CERT1: variants seen among roughly 807,000 people sequenced by gnomAD.
The protein encoded by CERT1 is ceramide transporter 1, also known as ceramide transfer protein.
CERT1 carries 31 observed loss-of-function variants against 87.9 expected under a neutral mutation model. The ratio of observed to expected loss-of-function variants is 0.35; its 90% CI spans 0.27 to 0.48. The LOEUF (loss-of-function observed/expected upper bound fraction) is 0.48, where lower values mean the gene tolerates loss of function less well. CERT1 is among the 20% of genes least tolerant of loss of function. The pLI is 0.99. For synonymous variants in CERT1, 289 were observed against 250.9 expected, an observed-to-expected ratio of 1.15 and a Z score of -1.44; for missense variants, 487 against 758.0, an observed-to-expected ratio of 0.64 and a Z score of 4.20.
At chr5:75,400,937 CTA>C in intron 9 of CERT1, 1 of 152,174 alleles carries the variant, frequency 6.6e-6, no homozygotes, top group Non-Finnish European at 1.5e-5. Context: ...CTTTCTTTCC[CTA>C]TGTTTGCAAG....
intron 3 of CERT1, among the ~76,000 whole-genome samples, chr5:75,436,035 T>C (rs1329909322): frequency 6.6e-6 from 1 of 151,848 alleles, no homozygotes; most frequent in Non-Finnish European, 1.5e-5. Context: ...GTGTGAAAAA[T>C]TATTTTATTT....
intron 5 of CERT1, among the ~76,000 whole-genome samples, chr5:75,424,563 T>A (rs1580750864): frequency 6.9e-6 from 1 of 144,064 alleles, no homozygotes; most frequent in African/African-American, 2.6e-5. Context: ...AGAGCGAGAC[T>A]CTGTCTCAAA....
At chr5:75,506,525 T>C in intron 1 of CERT1, among the ~76,000 whole-genome samples, 1 of 152,198 alleles carries the variant, frequency 6.6e-6, no homozygotes, top group South Asian at 2.1e-4. Context: ...ATGTATGTAG[T>C]CTCTCATTCT....
At chr5:75,374,418 GAAAA>G, downstream of CERT1, 1 of 542,182 alleles carries the variant, frequency 1.8e-6, no homozygotes, top group Non-Finnish European at 3.3e-6. Context: ...TCAAAAGTTA[GAAAA>G]AAAAACGGGA....
rs1255945497 is a variant in CERT1 at position 75,382,070 on chromosome 5, C to T, written c.1496G>A (p.Trp499Ter). The change falls in exon 15 of 17, where the codon TGG (tryptophan) becomes TAG (stop). Residue 499 changes from tryptophan (W) to a stop codon, truncating the protein, a stop_gained. Transcript: ENST00000643780. LOFTEE classifies it high-confidence loss of function. Reference sequence around the variant, plus strand: ...TAATACGTCTCGCTGAGAAGCAGGCCACACCCTCTGTGGAGAAGTAAAAAT... The same window carrying T: ...TAATACGTCTCGCTGAGAAGCAGGCTACACCCTCTGTGGAGAAGTAAAAAT... ...IIIYQTHKRV[W>*]PASQRDVLYL... 1 of 1,613,618 alleles carries T rather than the reference C, an allele frequency of 6.2e-7. No individual in the cohort carries two copies. The highest frequency in any genetic ancestry group is 1.7e-5 in the Admixed American group (1 of 59,970).
At chr5:75,390,684 A>G (rs1186639795) in intron 11 of CERT1, among the ~76,000 whole-genome samples, 1 of 152,154 alleles carries the variant, frequency 6.6e-6, no homozygotes, top group Non-Finnish European at 1.5e-5. Flanking sequence ...AGATATATAT[A>G]TTATACTTCC....
At chr5:75,429,688 TAAAC>T (rs1487752894) in intron 3 of CERT1, among the ~76,000 whole-genome samples, 3 of 152,134 alleles carry the variant, frequency 2.0e-5, no homozygotes, top group South Asian at 2.1e-4. Context: ...CCCTGTCTCT[TAAAC>T]AAGCAAGTAA....
intron 2 of CERT1, among the ~76,000 whole-genome samples, chr5:75,493,129 G>T (rs751617076): frequency 1.3e-5 from 2 of 152,198 alleles, no homozygotes; most frequent in African/African-American, 4.8e-5. Context: ...GTCTGTGTCT[G>T]TGGATGTATT....
chr5:75,397,915 AG>A (rs1762321214), intron 11 of CERT1, among the ~76,000 whole-genome samples: 1 of 152,152 alleles, frequency 6.6e-6, no homozygotes, highest in Non-Finnish European at 1.5e-5. Flanking sequence ...GCTACTTGGG[AG>A]GCTGAGGCAG....
Position 75,462,977 on chromosome 5 carries a change from C to A in CERT1, c.232-3796G>T, listed in dbSNP as rs533173691. ...ACTGTACTCCAGCCCGGCGACAGAG[C>A]AAGACTCCGTCTCAAAAAAAAAAAA... On this transcript the variant is annotated intron_variant, in intron 2 of 16. Coordinates refer to ENST00000643780, the MANE Select transcript of CERT1 (RefSeq NM_001379029.1). 2.2e-4 allele frequency among the ~76,000 whole-genome samples: 25 copies of A among 111,658 alleles called. No individual in the cohort carries two copies. In the South Asian group the frequency reaches 7.2e-3, roughly 32 times the overall value. 73.3% of individuals were successfully genotyped at this position (111,658 alleles called of 152,430 possible).
chr5:75,381,961 A>G lies in CERT1; in HGVS notation c.1605T>C (p.His535=). 1 of 1,613,158 alleles carries G rather than the reference A, an allele frequency of 6.2e-7. No individual in the cohort carries two copies. The highest frequency in any genetic ancestry group is 8.5e-7 in the Non-Finnish European group (1 of 1,179,546). The change falls in exon 15 of 17, where the codon CAT becomes CAC. Residue 535 remains histidine, a synonymous_variant. Coordinates refer to ENST00000643780, the MANE Select transcript of CERT1 (RefSeq NM_001379029.1). ...TWIVCNFSVD[H]DSAPLNNRCV... ...TACATGTACTTACAGGAGCACTGTC[A>G]TGATCCACAGAAAAATTACAAACTA...
chr5:75,503,058 C>CT (rs1426249466), intron 2 of CERT1, among the ~76,000 whole-genome samples: 1 of 152,146 alleles, frequency 6.6e-6, no homozygotes, highest in African/African-American at 2.4e-5. Flanking sequence ...GACATACTTT[C>CT]TTCCTTGAAA....
At chr5:75,424,586 GAA>G (rs1412722124) in intron 5 of CERT1, among the ~76,000 whole-genome samples, 2 of 150,160 alleles carry the variant, frequency 1.3e-5, no homozygotes, top group East Asian at 2.0e-4. Flanking sequence ...AAAAAAGAAA[GAA>G]AAAGAGAGAG....
chr5:75,497,349 TTA>T (rs1767123953), intron 2 of CERT1, among the ~76,000 whole-genome samples: 1 of 152,200 alleles, frequency 6.6e-6, no homozygotes, highest in Non-Finnish European at 1.5e-5. Flanking sequence ...CCAAGTACTT[TTA>T]TATGTTATTT....
At chr5:75,387,024 C>T (rs553172779) in intron 12 of CERT1, among the ~76,000 whole-genome samples, 50 of 152,210 alleles carry the variant, frequency 3.3e-4, no homozygotes, top group African/African-American at 8.9e-4. Context: ...CCTGCCACTA[C>T]GCCCAGCTAA....
intron 17 of CERT1, chr5:75,370,543 T>C (rs1298645498): frequency 6.6e-6 from 1 of 152,194 alleles, no homozygotes; most frequent in Non-Finnish European, 1.5e-5. Flanking sequence ...CAGTAAGAAA[T>C]TCATTGTAAA....
At chr5:75,410,678 T>A (rs1292135742) in intron 8 of CERT1, 1 of 157,220 alleles carries the variant, frequency 6.4e-6, no homozygotes, top group Non-Finnish European at 1.4e-5. Context: ...TACTCAGATT[T>A]TTCCTTTATA....
chr5:75,388,613 T>C (rs1761902830), intron 12 of CERT1, among the ~76,000 whole-genome samples: 1 of 75,516 alleles, frequency 1.3e-5, no homozygotes, highest in Non-Finnish European at 2.3e-5. Flanking sequence ...TATATATATA[T>C]ATATATATAT....
chr5:75,475,339 G>C (rs1765910389), intron 2 of CERT1, among the ~76,000 whole-genome samples: 1 of 152,116 alleles, frequency 6.6e-6, no homozygotes, highest in African/African-American at 2.4e-5. Flanking sequence ...AGAGTGAAAA[G>C]ACTTTTAGTG....
Sources: allele counts gnomAD v4.1 joint callset (sites outside exome capture counted in the v4.1 genomes callset), GRCh38; gene constraint gnomAD v4.1.1; transcripts MANE v1.5; gene names NCBI Gene and HGNC (gene_info 2026-07-23, HGNC 2026-07-21).